NCAPG2: variants seen among roughly 807,000 people sequenced by gnomAD.
The protein encoded by NCAPG2 is non-SMC condensin II complex subunit G2, also known as condensin-2 complex subunit G2.
In NCAPG2, 53 loss-of-function variants were observed where a neutral mutation model predicts 141.1. The ratio of observed to expected loss-of-function variants is 0.38; its 90% CI spans 0.30 to 0.47. The LOEUF is 0.47. Ranked by LOEUF, NCAPG2 falls within the 20% of genes least tolerant of loss-of-function variation. The pLI is 0.99. For missense variants in NCAPG2, 1,087 were observed against 1,389.0 expected (o/e 0.78, Z 3.46); for synonymous variants, 499 against 490.7 (o/e 1.02, Z -0.22).
intron 25 of NCAPG2, 100 bp downstream of exon 25, chr7:158,646,360 G>A (rs1831015540): frequency 2.6e-6 from 2 of 765,200 alleles, no homozygotes; most frequent in African/African-American, 1.9e-5. Flanking sequence ...AGAAAAGAAT[G>A]TAGCTTTGAA....
intron 19 of NCAPG2, 91 bp from the exon 20 acceptor site, chr7:158,655,546 C>A: frequency 8.8e-7 from 1 of 1,130,870 alleles, no homozygotes. Flanking sequence ...ACCTGATCCT[C>A]AGGCGAGCTG....
At chr7:158,678,074 G>A (rs751477942) in intron 11 of NCAPG2, among the ~76,000 whole-genome samples, 1 of 149,788 alleles carries the variant, frequency 6.7e-6, no homozygotes, top group Non-Finnish European at 1.5e-5. Flanking sequence ...TGGGATTACA[G>A]GCGTGAACCA....
intron 22 of NCAPG2, 125 bp from the exon 23 acceptor site, chr7:158,652,605 G>T: frequency 2.4e-6 from 2 of 817,940 alleles, no homozygotes; most frequent in Non-Finnish European, 3.7e-6. Context: ...TTTGGTATTT[G>T]GTGAGCCAAT....
chr7:158,641,559 G>T (rs1268381317), intron 27 of NCAPG2: 6 of 483,774 alleles, frequency 1.2e-5, no homozygotes, highest in Non-Finnish European at 1.4e-5. Context: ...TCATATCTTG[G>T]AAAAAAAAAA....
chr7:158,642,964 TTTTA>T (rs1442684905), intron 27 of NCAPG2, among the ~76,000 whole-genome samples: 2 of 152,116 alleles, frequency 1.3e-5, no homozygotes, highest in East Asian at 1.9e-4. Context: ...TATTTTTTAC[TTTTA>T]TTTATTTTTT....
intron 17 of NCAPG2, 132 bp downstream of exon 17, chr7:158,658,206 G>T: frequency 1.5e-6 from 1 of 685,584 alleles, no homozygotes; most frequent in Non-Finnish European, 2.2e-6. Context: ...ACAGGGAGAG[G>T]GAAGGGCAGA....
intron 22 of NCAPG2, among the ~76,000 whole-genome samples, chr7:158,653,387 A>AAAAAATAAT (rs1554553516): frequency 6.8e-6 from 1 of 146,092 alleles, no homozygotes; most frequent in African/African-American, 2.5e-5. Flanking sequence ...ATAAAAAAAA[A>AAAAAATAAT]AATAATAATA....
intron 2 of NCAPG2, among the ~76,000 whole-genome samples, chr7:158,695,348 G>C (rs1040251043): frequency 2.0e-5 from 3 of 152,198 alleles, no homozygotes; most frequent in Non-Finnish European, 2.9e-5. Flanking sequence ...CCTACAGATT[G>C]TTAAAATCTA....
chr7:158,654,207 G>C (rs910082892), intron 22 of NCAPG2, among the ~76,000 whole-genome samples: 1 of 152,086 alleles, frequency 6.6e-6, no homozygotes, highest in African/African-American at 2.4e-5. Context: ...GTCCTGGTGG[G>C]GTACCACCCA....
chr7:158,667,489 G>T (rs1380480563), intron 13 of NCAPG2, among the ~76,000 whole-genome samples: 4 of 98,546 alleles, frequency 4.1e-5, no homozygotes, highest in Admixed American at 1.1e-4. Context: ...GGGTCCCTCC[G>T]CCCGCCTTAC....
chr7:158,638,993 G>A (rs1830465978), intron 27 of NCAPG2, among the ~76,000 whole-genome samples: 1 of 152,176 alleles, frequency 6.6e-6, no homozygotes, highest in Non-Finnish European at 1.5e-5. Flanking sequence ...CACACACTTT[G>A]CTCTTCATCC....
intron 16 of NCAPG2, among the ~76,000 whole-genome samples, chr7:158,661,925 G>A (rs1409954254): frequency 6.6e-6 from 1 of 152,082 alleles, no homozygotes; most frequent in East Asian, 1.9e-4. Context: ...AAATAATGTC[G>A]CTGACCATCG....
At chr7:158,637,526 C>CCACA (rs1417705646) in intron 27 of NCAPG2, among the ~76,000 whole-genome samples, 1 of 152,238 alleles carries the variant, frequency 6.6e-6, no homozygotes, top group Non-Finnish European at 1.5e-5. Flanking sequence ...CCCATCCGAG[C>CCACA]CACACACAGG....
chr7:158,680,643 A>C (rs1358446949), intron 10 of NCAPG2, 78 bp downstream of exon 10: 1 of 918,256 alleles, frequency 1.1e-6, no homozygotes, highest in Non-Finnish European at 1.6e-6. Flanking sequence ...TTTTATTGTA[A>C]TTTGGACTTA....
intron 8 of NCAPG2, 107 bp downstream of exon 8, chr7:158,686,065 T>C: frequency 1.6e-6 from 1 of 637,262 alleles, no homozygotes; most frequent in Non-Finnish European, 2.6e-6. Flanking sequence ...TGGCTTTATT[T>C]TGACAGAGTG....
chr7:158,691,376 TA>T (rs1835110453), intron 4 of NCAPG2, among the ~76,000 whole-genome samples: 1 of 152,222 alleles, frequency 6.6e-6, no homozygotes, highest in African/African-American at 2.4e-5. Context: ...ACCATACAAA[TA>T]AACTGATAGT....
At position 158,658,316 on chromosome 7, in the gene NCAPG2, T is replaced by C. The variant is rs776771872; in HGVS notation, c.2060+22A>G. On this transcript the variant is annotated intron_variant, in intron 17 of 27. Coordinates refer to ENST00000356309, the MANE Select transcript of NCAPG2 (RefSeq NM_017760.7). ...GGACAGGATTCCTACTTTTCTACCG[T>C]ACCAAAAAACAGAGCAAATACCTGA... 8 of 1,592,648 alleles carry C rather than the reference T, an allele frequency of 5.0e-6. No individual in the cohort carries two copies. In the African/African-American group the frequency reaches 5.4e-5, roughly 11 times the overall value.
chr7:158,695,197 T>C (rs750916455), intron 2 of NCAPG2, among the ~76,000 whole-genome samples: 11 of 152,154 alleles, frequency 7.2e-5, no homozygotes, highest in Non-Finnish European at 1.6e-4. Context: ...CTCTGGTGAC[T>C]GAAGGTGACC....
intron 27 of NCAPG2, among the ~76,000 whole-genome samples, chr7:158,643,581 G>A (rs1830791168): frequency 2.0e-5 from 3 of 152,198 alleles, no homozygotes; most frequent in Non-Finnish European, 4.4e-5. Context: ...TCACAAATTA[G>A]GAGTTTCTGA....
Sources: gnomAD v4.1 joint callset for allele counts (sites outside exome capture counted in the v4.1 genomes callset) on GRCh38, gnomAD v4.1.1 for gene constraint, MANE v1.5 for transcripts, NCBI Gene and HGNC (gene_info 2026-07-23, HGNC 2026-07-21) for gene names.